The following OSBP variants were observed in gnomAD, a reference collection of about 807,000 sequenced individuals.
OSBP encodes the protein oxysterol binding protein.
OSBP carries 32 observed loss-of-function variants against 96.6 expected under a neutral mutation model. The observed-to-expected ratio is 0.33, with a 90% CI of 0.25 to 0.45. The LOEUF (loss-of-function observed/expected upper bound fraction) is 0.45. Among genes scored for constraint, OSBP ranks in the 20% least tolerant of loss-of-function variants. The pLI is 1.00. For synonymous variants in OSBP, 369 were observed against 389.6 expected (o/e 0.95, Z 0.62); for missense variants, 653 against 1,029.7 (o/e 0.63, Z 5.01).
chr11:59,615,527 C>T lies in OSBP; in HGVS notation c.138G>A (p.Ala46=), dbSNP rs941991837. The T allele has an allele frequency of 9.1e-5, 118 of 1,293,318 alleles. No homozygotes were observed. Among genetic ancestry groups the T allele is most frequent in the Non-Finnish European group, 1.1e-4 (112 of 1,018,414 alleles). 80.1% of individuals were successfully genotyped at this position (1,293,318 alleles called of 1,614,324 possible). A position where few individuals can be genotyped will look rare whatever the true frequency, so the allele number is the denominator to read the frequency against. ...CCGCCGCCGCGACCACCGTCCCTGA[C>T]GCGGCCCCGGAGCCTGGCCCCGCAT... ...RGDAGPGSGA[A]SGTVVAAAAG... is the part of the protein sequence containing the mutation. Residue 46 remains alanine, a synonymous_variant, in exon 1 of 14, where the codon GCG becomes GCA. Transcript: ENST00000263847.
At chr11:59,599,038 G>T (rs1357480530) in intron 7 of OSBP, among the ~76,000 whole-genome samples, 2 of 152,244 alleles carry the variant, frequency 1.3e-5, no homozygotes, top group African/African-American at 4.8e-5. Flanking sequence ...AAAGAAGCCT[G>T]GCTCTGACAC....
chr11:59,587,982 A>G (rs1860522177), intron 9 of OSBP, among the ~76,000 whole-genome samples: 1 of 152,252 alleles, frequency 6.6e-6, no homozygotes, highest in African/African-American at 2.4e-5. Flanking sequence ...GCAATCCAAG[A>G]GTCCATCAAC....
chr11:59,598,883 C>T (rs1029992170), intron 7 of OSBP, among the ~76,000 whole-genome samples: 1 of 152,246 alleles, frequency 6.6e-6, no homozygotes, highest in Admixed American at 6.5e-5. Flanking sequence ...AGCCACCGCA[C>T]CCAGCCAGGA....
intron 9 of OSBP, among the ~76,000 whole-genome samples, chr11:59,589,223 A>C (rs906060969): frequency 4.0e-5 from 6 of 150,966 alleles, no homozygotes; most frequent in Non-Finnish European, 8.8e-5. Flanking sequence ...CTTGGGCCCA[A>C]GTGATCCTCC....
chr11:59,593,631 C>T lies in OSBP; in HGVS notation c.1651G>A (p.Gly551Ser). 1 of 1,614,034 alleles carries T rather than the reference C, an allele frequency of 6.2e-7. No individual in the cohort carries two copies. The highest frequency in any genetic ancestry group is 8.5e-7 in the Non-Finnish European group (1 of 1,179,992). Residue 551 changes from glycine to serine, a missense_variant, in exon 9 of 14, where the codon GGC becomes AGC. Transcript: ENST00000263847. Reference protein sequence around the residue: ...QEIKITSKFRGKYLSIMPLGT... With the variant: ...QEIKITSKFRSKYLSIMPLGT... Reference sequence around the variant, plus strand: ...AGGGGCATAATGGAGAGGTATTTGCCTCGAAACTTGCTGGTGATTTTGATT... The same window carrying T: ...AGGGGCATAATGGAGAGGTATTTGCTTCGAAACTTGCTGGTGATTTTGATT...
intron 1 of OSBP, among the ~76,000 whole-genome samples, chr11:59,611,073 T>C (rs1361653880): frequency 6.9e-6 from 1 of 145,622 alleles, no homozygotes; most frequent in Non-Finnish European, 1.5e-5. Flanking sequence ...AGGCGGAGTT[T>C]GCAGTGAGCT....
chr11:59,606,067 A>G (rs569084018), intron 3 of OSBP, among the ~76,000 whole-genome samples: 31 of 152,194 alleles, frequency 2.0e-4, no homozygotes, highest in Non-Finnish European at 2.1e-4. Flanking sequence ...AAATACTTCC[A>G]AAGTGCTATA....
intron 3 of OSBP, among the ~76,000 whole-genome samples, chr11:59,604,517 C>T (rs1319230319): frequency 6.6e-6 from 1 of 151,332 alleles, no homozygotes; most frequent in Non-Finnish European, 1.5e-5. Context: ...GCCTGGCCAA[C>T]ATAGTGAAAC....
rs754658934 is a variant in OSBP at position 59,576,815 on chromosome 11, G to A, written c.2271C>T (p.Ala757=). 37 of 1,613,914 alleles carry A rather than the reference G, an allele frequency of 2.3e-5. No homozygotes were observed. In the African/African-American group the frequency reaches 4.5e-4, roughly 20 times the overall value. The change falls in exon 13 of 14, where the codon GCC becomes GCT. Residue 757 remains alanine, a synonymous_variant. Coordinates refer to ENST00000263847, the MANE Select transcript of OSBP (RefSeq NM_002556.3). ...RKKREAEAMK[A]TEDGTPYDPY... is the part of the protein sequence containing the mutation. ...AGGGAAGTTCATTACCATCCTCTGT[G>A]GCTTTCATAGCTTCCGCTTCTCTCT...
At chr11:59,607,524 G>A (rs1414093149) in intron 3 of OSBP, among the ~76,000 whole-genome samples, 1 of 152,102 alleles carries the variant, frequency 6.6e-6, no homozygotes, top group Non-Finnish European at 1.5e-5. Context: ...CTTTCCCATG[G>A]TCATGGGAAA....
intron 7 of OSBP, among the ~76,000 whole-genome samples, chr11:59,597,819 C>T (rs1193251634): frequency 6.6e-6 from 1 of 152,200 alleles, no homozygotes; most frequent in African/African-American, 2.4e-5. Context: ...CATTCTCATG[C>T]CTCAGCATCC....
chr11:59,613,468 C>G (rs779124255), intron 1 of OSBP, among the ~76,000 whole-genome samples: 1 of 152,164 alleles, frequency 6.6e-6, no homozygotes, highest in Non-Finnish European at 1.5e-5. Flanking sequence ...CCGGTAAGAA[C>G]TTGGATGAGA....
chr11:59,599,138 A>G (rs1860690369), intron 7 of OSBP, among the ~76,000 whole-genome samples: 1 of 152,222 alleles, frequency 6.6e-6, no homozygotes, highest in South Asian at 2.1e-4. Flanking sequence ...GAGGTTGACA[A>G]CTTTTTCTGC....
chr11:59,610,862 C>T (rs1370890916), intron 1 of OSBP, among the ~76,000 whole-genome samples: 3 of 145,872 alleles, frequency 2.1e-5, no homozygotes, highest in South Asian at 4.4e-4. Flanking sequence ...ATAGGCTTTA[C>T]AGGCCGGGCA....
At chr11:59,578,055 A>G in intron 12 of OSBP, 94 bp downstream of exon 12, 1 of 1,156,016 alleles carries the variant, frequency 8.7e-7, no homozygotes, top group Non-Finnish European at 1.3e-6. Context: ...AATTCCCCAC[A>G]TAATTAAGTG....
At chr11:59,582,452 T>C (rs1039487874) in intron 9 of OSBP, among the ~76,000 whole-genome samples, 15 of 152,130 alleles carry the variant, frequency 9.9e-5, no homozygotes, top group African/African-American at 1.4e-4. Flanking sequence ...CCTGATCCCA[T>C]GGAGACAGGG....
chr11:59,605,298 C>T (rs565978792), intron 3 of OSBP, among the ~76,000 whole-genome samples: 3 of 152,286 alleles, frequency 2.0e-5, no homozygotes, highest in African/African-American at 4.8e-5. Context: ...CTTCCTTGCT[C>T]GACTAACAGT....
At chr11:59,596,048 TCTCTGTGAACATTTTC>T (rs1302640563) in intron 7 of OSBP, among the ~76,000 whole-genome samples, 1 of 151,976 alleles carries the variant, frequency 6.6e-6, no homozygotes, top group Non-Finnish European at 1.5e-5. Flanking sequence ...CCCAAATGTT[TCTCTGTGAACATTTTC>T]CAGTGAACAC....
intron 9 of OSBP, among the ~76,000 whole-genome samples, chr11:59,589,216 G>A (rs896097952): frequency 1.3e-5 from 2 of 148,718 alleles, no homozygotes; most frequent in Non-Finnish European, 3.0e-5. Flanking sequence ...TCAGACTCTT[G>A]GGCCCAAGTG....
Sources: allele counts gnomAD v4.1 joint callset (sites outside exome capture counted in the v4.1 genomes callset), GRCh38; gene constraint gnomAD v4.1.1; transcripts MANE v1.5; gene names NCBI Gene and HGNC (gene_info 2026-07-23, HGNC 2026-07-21).